TRHR: variants seen among roughly 807,000 people sequenced by gnomAD.
TRHR encodes the protein thyrotropin-releasing hormone receptor.
A neutral mutation model predicts 28.0 loss-of-function variants in TRHR; 14 were observed. That is an observed-to-expected ratio of 0.50 (90% CI 0.33 to 0.78). The LOEUF is 0.78. TRHR is among the 30% of genes least tolerant of loss of function. The pLI, the probability that TRHR is intolerant of heterozygous loss-of-function variation, is 0.02. For synonymous variants in TRHR, 176 were observed against 171.9 expected, an observed-to-expected ratio of 1.02 and a Z score of -0.18; for missense variants, 438 against 469.5, an observed-to-expected ratio of 0.93 and a Z score of 0.62.
rs757892966 is a variant in TRHR, at chr8:109,087,637, G to A, written c.125G>A (p.Gly42Asp). ...VLIICGLGIV[G>D]NIMVVLVVMR... ...ATTATTTGTGGCCTGGGCATTGTAG[G>A]CAACATCATGGTAGTCCTGGTTGTC... The change falls in exon 2 of 3, where the codon GGC (glycine) becomes GAC (aspartate). Residue 42 changes from glycine (G) to aspartate (D), a missense_variant. Coordinates refer to ENST00000518632, the MANE Select transcript of TRHR (RefSeq NM_003301.7). 2.5e-6 allele frequency: 4 copies of A among 1,614,066 alleles called. No homozygotes were observed. The highest frequency in any genetic ancestry group is 2.2e-5 in the East Asian group (1 of 44,868).
chr8:109,088,277 C>A lies in TRHR; in HGVS notation c.765C>A (p.Asn255Lys). ...TAAATACCTCTAATAGATGTTTCAA[C>A]AGCACAGTATCTTCAAGGAAGCAGG... Reference protein sequence around the residue: ...LNVNTSNRCFNSTVSSRKQVT... With the variant: ...LNVNTSNRCFKSTVSSRKQVT... The change falls in exon 2 of 3, where the codon AAC becomes AAA. Residue 255 changes from asparagine (N) to lysine (K), a missense_variant. Asn to Lys is a moderately conservative substitution (Grantham distance 94). Coordinates refer to ENST00000518632, the MANE Select transcript of TRHR (RefSeq NM_003301.7). 6.2e-7 allele frequency: 1 copy of A among 1,613,852 alleles called. No individual in the cohort carries two copies. The highest frequency in any genetic ancestry group is 8.5e-7 in the Non-Finnish European group (1 of 1,179,996).
intron 2 of TRHR, among the ~76,000 whole-genome samples, chr8:109,118,109 G>A (rs913588565): frequency 6.6e-6 from 1 of 151,882 alleles, no homozygotes; most frequent in Non-Finnish European, 1.5e-5. Context: ...ACCTGAAAGA[G>A]TGCAAAAGCT....
intron 2 of TRHR, among the ~76,000 whole-genome samples, chr8:109,093,857 A>AT (rs1491215541): frequency 8.6e-6 from 1 of 115,630 alleles, no homozygotes; most frequent in African/African-American, 5.8e-5. Flanking sequence ...CAACTCATTT[A>AT]AAAAAAAAAA....
intron 2 of TRHR, among the ~76,000 whole-genome samples, chr8:109,104,669 C>T (rs1811724248): frequency 6.6e-6 from 1 of 152,050 alleles, no homozygotes; most frequent in African/African-American, 2.4e-5. Context: ...AGAGGTACAT[C>T]CCAAGACAAA....
chr8:109,102,422 G>C (rs889957870), intron 2 of TRHR, among the ~76,000 whole-genome samples: 2 of 152,144 alleles, frequency 1.3e-5, no homozygotes, highest in Non-Finnish European at 2.9e-5. Context: ...AGAAAGGATT[G>C]TGCCTAATTC....
chr8:109,090,856 A>T (rs886800553), intron 2 of TRHR, among the ~76,000 whole-genome samples: 7 of 152,180 alleles, frequency 4.6e-5, no homozygotes, highest in Non-Finnish European at 1.0e-4. Flanking sequence ...TGATGGAGCG[A>T]CTTAGTTGTC....
In TRHR at chr8:109,087,857, AATAACAGCCTTT is replaced by A; in HGVS notation, c.347_358del (p.Ile116_Phe119del). 1 of 1,614,190 alleles carries A rather than the reference AATAACAGCCTTT, an allele frequency of 6.2e-7. No homozygotes were observed. The highest frequency in any genetic ancestry group is 8.5e-7 in the Non-Finnish European group (1 of 1,180,034). ...TGGGAATTAATGCATCCTCTTGTTC[AATAACAGCCTTT>A]ACCATTGAGAGGTACATAGCAATCT... On this transcript the variant is annotated inframe_deletion, in exon 2 of 3. Coordinates refer to ENST00000518632, the MANE Select transcript of TRHR (RefSeq NM_003301.7).
At chr8:109,117,877 T>G (rs1811943115) in intron 2 of TRHR, among the ~76,000 whole-genome samples, 1 of 151,970 alleles carries the variant, frequency 6.6e-6, no homozygotes, top group Non-Finnish European at 1.5e-5. Context: ...TGAAATCACA[T>G]ATTCTCACTG....
In TRHR at chr8:109,087,481, C is replaced by A; in HGVS notation, c.-32C>A. On this transcript the variant is annotated 5_prime_UTR_variant, in exon 2 of 3. Coordinates refer to ENST00000518632, the MANE Select transcript of TRHR (RefSeq NM_003301.7). ...CTGGAAAGAAGATGTTTTGAGAAGT[C>A]AGTGTTTCCGAGAAACTTTAAGCTT... 1 of 1,612,916 alleles carries A rather than the reference C, an allele frequency of 6.2e-7. No homozygotes were observed. Among genetic ancestry groups the A allele is most frequent in the South Asian group, 1.1e-5 (1 of 91,032 alleles).
chr8:109,105,318 C>G (rs1157409258), intron 2 of TRHR, among the ~76,000 whole-genome samples: 2 of 152,086 alleles, frequency 1.3e-5, no homozygotes, highest in Non-Finnish European at 2.9e-5. Flanking sequence ...CCACACTTGC[C>G]AATGGTACGA....
chr8:109,106,863 C>T (rs1029380540), intron 2 of TRHR, among the ~76,000 whole-genome samples: 1 of 152,084 alleles, frequency 6.6e-6, no homozygotes, highest in Non-Finnish European at 1.5e-5. Flanking sequence ...CCTCATGTTG[C>T]CCCTTGCAGG....
chr8:109,105,203 G>A (rs1467635203), intron 2 of TRHR, among the ~76,000 whole-genome samples: 2 of 152,076 alleles, frequency 1.3e-5, no homozygotes, highest in African/African-American at 4.8e-5. Context: ...AAGATTTAGT[G>A]ATATTAAGTT....
chr8:109,087,500 T>G lies in TRHR; in HGVS notation c.-13T>G. The G allele has an allele frequency of 6.2e-7, 1 of 1,614,114 alleles. No homozygotes were observed. The highest frequency in any genetic ancestry group is 8.5e-7 in the Non-Finnish European group (1 of 1,180,030). On this transcript the variant is annotated 5_prime_UTR_variant, in exon 2 of 3. Coordinates refer to ENST00000518632, the MANE Select transcript of TRHR (RefSeq NM_003301.7). ...AGAAGTCAGTGTTTCCGAGAAACTT[T>G]AAGCTTCTAAAGATGGAAAACGAGA...
At chr8:109,089,232 A>G (rs1372389980) in intron 2 of TRHR, among the ~76,000 whole-genome samples, 2 of 152,128 alleles carry the variant, frequency 1.3e-5, no homozygotes, top group East Asian at 3.9e-4. Flanking sequence ...TAATGAACAG[A>G]TGATAAATAT....
intron 2 of TRHR, among the ~76,000 whole-genome samples, chr8:109,096,671 T>C (rs572002372): frequency 2.0e-3 from 300 of 152,306 alleles, no homozygotes; most frequent in Middle Eastern, 3.4e-3. Context: ...ATTACTTACT[T>C]TACAAAATCA....
Position 109,086,603 on chromosome 8 carries a change from AGAGC to A in TRHR, c.-359_-356del, listed in dbSNP as rs200364611. 6.6e-6 allele frequency: 1 copy of A among 152,228 alleles called. No homozygotes were observed. The highest frequency in any genetic ancestry group is 1.5e-5 in the Non-Finnish European group (1 of 68,288). 9.4% of individuals were successfully genotyped at this position (152,228 alleles called of 1,614,324 possible). On this transcript the variant is annotated 5_prime_UTR_variant, in exon 1 of 3. Coordinates refer to ENST00000518632, the MANE Select transcript of TRHR (RefSeq NM_003301.7). ...GTGTGTGTGTGTCTCTGTGTGTGAG[AGAGC>A]GAGCGAGCGTGTATGTTCTCATTAG... is the stretch of plus-strand genomic sequence containing the variant.
rs1026991733 is a variant in TRHR at position 109,096,291 on chromosome 8, C to T, written c.789+7990C>T. Among the ~76,000 whole-genome samples, 9 of 152,184 alleles carry T rather than the reference C, an allele frequency of 5.9e-5. 1 individual carries two copies. The highest frequency in any genetic ancestry group is 5.9e-4 in the Admixed American group (9 of 15,278). On this transcript the variant is annotated intron_variant, in intron 2 of 2. Coordinates refer to ENST00000518632, the MANE Select transcript of TRHR (RefSeq NM_003301.7). ...TTTTCAAGTCATAAATCAAATGATGCCCAGCCACCTCATCAAGCCTTCACT... is the reference window on the plus strand; with the variant it reads ...TTTTCAAGTCATAAATCAAATGATGTCCAGCCACCTCATCAAGCCTTCACT...
chr8:109,106,167 T>G (rs970038825), intron 2 of TRHR, among the ~76,000 whole-genome samples: 3 of 152,140 alleles, frequency 2.0e-5, no homozygotes, highest in Non-Finnish European at 2.9e-5. Flanking sequence ...CTGTGTTATA[T>G]TGGAGCCTGC....
In TRHR at chr8:109,120,666, C is replaced by A. The variant is rs1256664426; in HGVS notation, c.*1211C>A. On this transcript the variant is annotated 3_prime_UTR_variant, in exon 3 of 3. Coordinates refer to ENST00000518632, the MANE Select transcript of TRHR (RefSeq NM_003301.7). ...TCAGCAGAGTTAAAACTGATTTCAT[C>A]ATATTATCAGTATGTCATCTTTATA... Among the ~76,000 whole-genome samples the A allele has an allele frequency of 1.3e-5, 2 of 151,736 alleles. No homozygotes were observed. Among genetic ancestry groups the A allele is most frequent in the African/African-American group, 4.8e-5 (2 of 41,354 alleles).
Sources: gnomAD v4.1 joint callset for allele counts (sites outside exome capture counted in the v4.1 genomes callset) on GRCh38, gnomAD v4.1.1 for gene constraint, MANE v1.5 for transcripts, NCBI Gene and HGNC (gene_info 2026-07-23, HGNC 2026-07-21) for gene names.